TTC39B: variants seen among roughly 807,000 people sequenced by gnomAD.
TTC39B encodes tetratricopeptide repeat domain 39B.
TTC39B carries 92 observed loss-of-function variants against 96.6 expected under a neutral mutation model. The ratio of observed to expected loss-of-function variants is 0.95; its 90% CI spans 0.80 to 1.13. The LOEUF is 1.13. Among genes scored for constraint, TTC39B ranks in the 50% most tolerant of loss-of-function variants. The pLI, the probability that TTC39B is intolerant of heterozygous loss-of-function variation, is 0.00. For missense variants in TTC39B, 955 were observed against 809.3 expected (o/e 1.18, Z -2.18); for synonymous variants, 367 against 299.4 (o/e 1.23, Z -2.33).
chr9:15,252,906 G>A (rs1822615300), intron 2 of TTC39B, among the ~76,000 whole-genome samples: 1 of 152,136 alleles, frequency 6.6e-6, no homozygotes, highest in Non-Finnish European at 1.5e-5. Context: ...AGCTTTTTCT[G>A]ATCACTAATA....
exon 20 of TTC39B, chr9:15,171,318 T>G (rs1273258102): frequency 1.3e-5 from 2 of 152,186 alleles, no homozygotes; most frequent in Non-Finnish European, 2.9e-5. Flanking sequence ...ATATGACACT[T>G]CCTTCCCTTT....
At chr9:15,279,089 A>T (rs572357742) in intron 1 of TTC39B, among the ~76,000 whole-genome samples, 1 of 152,342 alleles carries the variant, frequency 6.6e-6, no homozygotes, top group African/African-American at 2.4e-5. Context: ...AACCAATATT[A>T]TATATTTAAT....
In TTC39B at chr9:15,213,520, C is replaced by T. The variant is rs544246388; in HGVS notation, c.482+619G>A. Among the ~76,000 whole-genome samples the T allele has an allele frequency of 7.9e-5, 12 of 152,304 alleles. No homozygotes were observed. The East Asian group carries it at 2.1e-3, about 27-fold the overall frequency. The stretch of plus-strand genomic sequence containing the variant: ...TCAAAGTAAGGAACGAGATTGCCGA[C>T]TTTTATGCCCAAGTAATCTTGGAAA... On this transcript the variant is annotated intron_variant, in intron 4 of 19. Transcript: ENST00000512701.
chr9:15,230,715 C>G (rs1351855543), intron 2 of TTC39B, among the ~76,000 whole-genome samples: 4 of 152,110 alleles, frequency 2.6e-5, no homozygotes, highest in Non-Finnish European at 5.9e-5. Flanking sequence ...GGCATGGTGG[C>G]TCACTCCTGT....
intron 2 of TTC39B, among the ~76,000 whole-genome samples, chr9:15,264,267 G>A (rs1056593124): frequency 2.0e-5 from 3 of 152,166 alleles, no homozygotes; most frequent in Admixed American, 2.0e-4. Flanking sequence ...TGTACAACAT[G>A]AGGATTATAG....
rs563081130 is a variant in TTC39B at position 15,218,356 on chromosome 9, T to C, written c.372-4107A>G. ...CCTTAACTTCCCTGAGTCCCTAGGC[T>C]CATCTTTGAAGTGCTCTCACTTCAC... On this transcript the variant is annotated intron_variant, in intron 3 of 19. Transcript: ENST00000512701. Among the ~76,000 whole-genome samples the C allele has an allele frequency of 5.9e-5, 9 of 152,168 alleles. No individual in the cohort carries two copies. The East Asian group carries it at 1.2e-3, about 20-fold the overall frequency.
At chr9:15,298,626 C>G (rs973242892) in intron 1 of TTC39B, among the ~76,000 whole-genome samples, 20 of 152,066 alleles carry the variant, frequency 1.3e-4, no homozygotes, top group Non-Finnish European at 2.9e-4. Context: ...CAATTACCTC[C>G]TACTGGGTCC....
intron 8 of TTC39B, among the ~76,000 whole-genome samples, chr9:15,198,913 A>G (rs12554910): frequency 0.025 from 3,825 of 152,368 alleles, 139 homozygotes; most frequent in Admixed American, 0.085. Context: ...TAGACATAAC[A>G]GATTTCAAGA....
chr9:15,302,745 G>A (rs1213889261), intron 1 of TTC39B, among the ~76,000 whole-genome samples: 2 of 152,008 alleles, frequency 1.3e-5, no homozygotes, highest in African/African-American at 2.4e-5. Flanking sequence ...TCGGGAGGCT[G>A]AGGCAGGAGA....
At chr9:15,186,172 T>A (rs1165260102) in intron 15 of TTC39B, among the ~76,000 whole-genome samples, 1 of 152,130 alleles carries the variant, frequency 6.6e-6, no homozygotes, top group Non-Finnish European at 1.5e-5. Context: ...AAAAATAACA[T>A]GAAATAATAT....
intron 3 of TTC39B, among the ~76,000 whole-genome samples, chr9:15,220,494 C>A (rs914063411): frequency 1.3e-5 from 2 of 152,078 alleles, no homozygotes; most frequent in Non-Finnish European, 2.9e-5. Flanking sequence ...TGACAATATC[C>A]ACCCAACAGG....
At position 15,297,576 on chromosome 9, in the gene TTC39B, A is replaced by G. The variant is rs1824426221; in HGVS notation, c.240+9508T>C. ...CTCCAGGTTACAGCTGTCTGTGTCCATATTTCTAACTGCCTTTTTCAGAGG... is the reference window on the plus strand; with the variant it reads ...CTCCAGGTTACAGCTGTCTGTGTCCGTATTTCTAACTGCCTTTTTCAGAGG... On this transcript the variant is annotated intron_variant, in intron 1 of 19. Transcript: ENST00000512701. 2.6e-5 allele frequency among the ~76,000 whole-genome samples: 4 copies of G among 151,916 alleles called. No individual in the cohort carries two copies. The South Asian group carries it at 8.3e-4, about 32-fold the overall frequency.
rs771572953 is a variant in TTC39B, at chr9:15,189,714, A to G, written c.1173+11T>C. The G allele has an allele frequency of 6.2e-6, 10 of 1,613,976 alleles. No homozygotes were observed. The highest frequency in any genetic ancestry group is 8.5e-6 in the Non-Finnish European group (10 of 1,180,004). On this transcript the variant is annotated intron_variant, in intron 12 of 19. Transcript: ENST00000512701. ...ATGGTTGAAACATACACTTTGAAATACTGAGCGTACATTTGGAAACTGCTG... is the reference window on the plus strand; with the variant it reads ...ATGGTTGAAACATACACTTTGAAATGCTGAGCGTACATTTGGAAACTGCTG...
intron 2 of TTC39B, among the ~76,000 whole-genome samples, chr9:15,248,052 T>C (rs1822363398): frequency 6.6e-6 from 1 of 152,238 alleles, no homozygotes; most frequent in African/African-American, 2.4e-5. Flanking sequence ...TCAATCAACA[T>C]GGTTGCTGTT....
chr9:15,199,766 A>AAAAAAAAAC (rs1819419516), intron 8 of TTC39B, 95 bp downstream of exon 8: 1 of 414,120 alleles, frequency 2.4e-6, no homozygotes. Context: ...AAAAAAAAAA[A>AAAAAAAAAC]AATCCTAGTC....
chr9:15,261,897 C>G (rs1038988046), intron 2 of TTC39B, among the ~76,000 whole-genome samples: 1 of 152,070 alleles, frequency 6.6e-6, no homozygotes, highest in African/African-American at 2.4e-5. Context: ...AGGGACACTC[C>G]GTCATCAGAG....
chr9:15,280,660 C>G (rs1244254343), intron 1 of TTC39B, among the ~76,000 whole-genome samples: 1 of 152,098 alleles, frequency 6.6e-6, no homozygotes, highest in Non-Finnish European at 1.5e-5. Context: ...GCCTCCTGGC[C>G]CTTGGTATGG....
At chr9:15,172,029 G>A in exon 20 of TTC39B, 2 of 1,611,950 alleles carry the variant, frequency 1.2e-6, no homozygotes, top group Non-Finnish European at 8.5e-7. Context: ...TCAATCTGAG[G>A]AAGGTTTTCT....
At chr9:15,275,603 G>A (rs371494670) in intron 1 of TTC39B, among the ~76,000 whole-genome samples, 17 of 152,106 alleles carry the variant, frequency 1.1e-4, no homozygotes, top group African/African-American at 3.9e-4. Context: ...AGGAGGATAC[G>A]CCCATGATGA....
Sources: allele counts gnomAD v4.1 joint callset (sites outside exome capture counted in the v4.1 genomes callset), GRCh38; gene constraint gnomAD v4.1.1; transcripts MANE v1.5; gene names NCBI Gene and HGNC (gene_info 2026-07-23, HGNC 2026-07-21).